DHX32: variants seen among roughly 807,000 people sequenced by gnomAD.
DHX32 encodes DEAH-box helicase 32 (putative).
A neutral mutation model predicts 70.0 loss-of-function variants in DHX32; 51 were observed. The ratio of observed to expected loss-of-function variants is 0.73; its 90% CI spans 0.58 to 0.92. The LOEUF (loss-of-function observed/expected upper bound fraction) is 0.92. DHX32 is among the 40% of genes least tolerant of loss of function. The pLI is 0.00. For synonymous variants in DHX32, 310 were observed against 315.3 expected (o/e 0.98, Z 0.18); for missense variants, 762 against 891.8 (o/e 0.85, Z 1.85).
chr10:125,847,424 T>G (rs1296457509), intron 6 of DHX32, among the ~76,000 whole-genome samples: 1 of 152,050 alleles, frequency 6.6e-6, no homozygotes, highest in African/African-American at 2.4e-5. Context: ...TATAACAGAG[T>G]GCTTCCAGAG....
intron 10 of DHX32, 40 bp from the exon 11 acceptor site, chr10:125,836,895 A>G (rs1257789150): frequency 3.1e-6 from 5 of 1,590,386 alleles, no homozygotes; most frequent in Non-Finnish European, 4.3e-6. Context: ...ATGAGTGGGG[A>G]AGGTGGTGAG....
At chr10:125,885,020 T>C (rs1003303626), upstream of DHX32, among the ~76,000 whole-genome samples, 5 of 152,008 alleles carry the variant, frequency 3.3e-5, no homozygotes, top group Non-Finnish European at 2.9e-5. Flanking sequence ...GATCCATCGA[T>C]CTAAACTTCA....
chr10:125,846,520 C>T (rs1321553351), intron 6 of DHX32, among the ~76,000 whole-genome samples: 1 of 152,196 alleles, frequency 6.6e-6, no homozygotes, highest in Admixed American at 6.5e-5. Context: ...ACTGGCAAGG[C>T]TCTGGGGCAG....
At chr10:125,893,238 T>C (rs1490481670) in intron 1 of DHX32, among the ~76,000 whole-genome samples, 5 of 152,200 alleles carry the variant, frequency 3.3e-5, no homozygotes, top group Non-Finnish European at 7.3e-5. Context: ...TATTTATTTA[T>C]TTAACTTTTA....
At chr10:125,895,931 C>G (rs1944492206) in intron 1 of DHX32, among the ~76,000 whole-genome samples, 1 of 152,284 alleles carries the variant, frequency 6.6e-6, no homozygotes, top group African/African-American at 2.4e-5. Context: ...CAGGGGGGCT[C>G]GAGGGACCGC....
chr10:125,864,925 G>A (rs1477281377), intron 2 of DHX32, among the ~76,000 whole-genome samples: 1 of 50,100 alleles, frequency 2.0e-5, no homozygotes, highest in Non-Finnish European at 3.4e-5. Flanking sequence ...GTGGGACTCT[G>A]TCTCAAAAAA....
At chr10:125,843,426 C>T (rs570785624) in intron 6 of DHX32, among the ~76,000 whole-genome samples, 3 of 152,132 alleles carry the variant, frequency 2.0e-5, no homozygotes, top group South Asian at 2.1e-4. Flanking sequence ...CTGGCTAACA[C>T]GGTGAAACCC....
At chr10:125,862,604 GAGA>G (rs1564828797) in intron 2 of DHX32, among the ~76,000 whole-genome samples, 1 of 152,112 alleles carries the variant, frequency 6.6e-6, no homozygotes, top group Non-Finnish European at 1.5e-5. Context: ...TTAAAAAAAA[GAGA>G]AGATGCTAAC....
chr10:125,853,176 T>C, intron 4 of DHX32: 1 of 1,613,438 alleles, frequency 6.2e-7, no homozygotes, highest in South Asian at 1.1e-5. Context: ...GCTGGACTAA[T>C]TCAATCAAGA....
chr10:125,886,277 T>G (rs1015419008), upstream of DHX32, among the ~76,000 whole-genome samples: 4 of 152,172 alleles, frequency 2.6e-5, no homozygotes, highest in Non-Finnish European at 2.9e-5. Flanking sequence ...TATCTAAACT[T>G]TTACCGCTCT....
At chr10:125,857,755 AT>A (rs1032433887) in intron 3 of DHX32, among the ~76,000 whole-genome samples, 2 of 151,930 alleles carry the variant, frequency 1.3e-5, no homozygotes, top group African/African-American at 4.8e-5. Context: ...TATGAGCTTT[AT>A]TTTCCAAGAT....
intron 6 of DHX32, among the ~76,000 whole-genome samples, chr10:125,850,942 T>C (rs1436011581): frequency 6.6e-6 from 1 of 152,180 alleles, no homozygotes; most frequent in Non-Finnish European, 1.5e-5. Context: ...TCCACTGAAG[T>C]GGTCAGCTGG....
rs764844410 is a variant in DHX32 at position 125,860,260 on chromosome 10, T to C, written c.477-285A>G. Among the ~76,000 whole-genome samples the C allele has an allele frequency of 5.7e-4, 87 of 152,314 alleles. 2 individuals carry two copies. Among genetic ancestry groups the C allele is most frequent in the Admixed American group, 2.6e-4 (4 of 15,296 alleles). On this transcript the variant is annotated intron_variant, in intron 2 of 10. Coordinates refer to ENST00000284690, the MANE Select transcript of DHX32 (RefSeq NM_018180.3). ...CCTCTGCCTAAATGTTTATTACAAA[T>C]ATTAATAAAAGCCTGCATCTAACTT...
intron 1 of DHX32, among the ~76,000 whole-genome samples, chr10:125,873,835 A>G (rs1194614041): frequency 6.6e-6 from 1 of 152,230 alleles, no homozygotes; most frequent in Non-Finnish European, 1.5e-5. Context: ...TACAGGTAGA[A>G]CCTACCAGCA....
At chr10:125,846,717 A>G (rs1018425477) in intron 6 of DHX32, among the ~76,000 whole-genome samples, 3 of 152,208 alleles carry the variant, frequency 2.0e-5, no homozygotes, top group Non-Finnish European at 2.9e-5. Flanking sequence ...GTGCCACGTG[A>G]CAACACCACA....
intron 1 of DHX32, among the ~76,000 whole-genome samples, chr10:125,895,748 G>C (rs1353037342): frequency 6.6e-6 from 1 of 152,274 alleles, no homozygotes; most frequent in Non-Finnish European, 1.5e-5. Context: ...CACAAAAAAC[G>C]AAGCCAGCGA....
In DHX32 at chr10:125,866,127, C is replaced by T. The variant is rs964652163; in HGVS notation, c.476+863G>A. On this transcript the variant is annotated intron_variant, in intron 2 of 10. Coordinates refer to ENST00000284690, the MANE Select transcript of DHX32 (RefSeq NM_018180.3). The surrounding 1 kb of genome is among the most constrained non-coding windows in gnomAD (Gnocchi z 4.8). ...AGTGGTCGGGCAGTGCCCGGGGCAG[C>T]TGAAGCCCGTGGGATGGTCAACTCT... Among the ~76,000 whole-genome samples the T allele has an allele frequency of 3.3e-5, 5 of 152,314 alleles. No homozygotes were observed. The East Asian group carries it at 9.6e-4, about 29-fold the overall frequency.
Position 125,881,041 on chromosome 10 carries a change from C to T in DHX32, c.-217G>A, listed in dbSNP as rs576483513. The T allele has an allele frequency of 3.4e-4, 155 of 454,870 alleles. No individual in the cohort carries two copies. The highest frequency in any genetic ancestry group is 2.7e-3 in the African/African-American group (138 of 50,472). The allele number at this position is 454,870 out of a possible 1,614,324, so 28.2% of individuals were successfully genotyped here. ...TGTGCTGGCTCACTACAGCACTCTT[C>T]GGCATTGTAAATGATTGTCAATAAA... On this transcript the variant is annotated 5_prime_UTR_variant, in exon 1 of 11. Coordinates refer to ENST00000284690, the MANE Select transcript of DHX32 (RefSeq NM_018180.3).
chr10:125,891,273 C>T (rs1457562278), intron 1 of DHX32, among the ~76,000 whole-genome samples: 5 of 152,248 alleles, frequency 3.3e-5, no homozygotes, highest in Non-Finnish European at 7.4e-5. Flanking sequence ...ATTTAAAGAA[C>T]AGGTTACTGC....
Sources: allele counts gnomAD v4.1 joint callset (sites outside exome capture counted in the v4.1 genomes callset), GRCh38; gene constraint gnomAD v4.1.1; non-coding constraint Gnocchi (gnomAD v3.1); transcripts MANE v1.5; gene names NCBI Gene and HGNC (gene_info 2026-07-23, HGNC 2026-07-21).